GPSM2: variants seen among roughly 807,000 people sequenced by gnomAD.
GPSM2 encodes G protein-signaling modulator 2.
Under a neutral mutation model 78.4 loss-of-function variants are expected in GPSM2, and 58 were observed. That is an observed-to-expected ratio of 0.74 (90% CI 0.60 to 0.92). The LOEUF (loss-of-function observed/expected upper bound fraction) is 0.92. Among genes scored for constraint, GPSM2 ranks in the 40% least tolerant of loss-of-function variants. The pLI, the probability that GPSM2 is intolerant of heterozygous loss-of-function variation, is 0.00. For missense variants in GPSM2, 700 were observed against 815.5 expected, an observed-to-expected ratio of 0.86 and a Z score of 1.73; for synonymous variants, 224 against 280.2, an observed-to-expected ratio of 0.80 and a Z score of 2.00.
intron 14 of GPSM2, chr1:108,926,193 T>C (rs950026306): frequency 6.6e-6 from 1 of 152,132 alleles, no homozygotes; most frequent in Non-Finnish European, 1.5e-5. Context: ...GAAGTAAAAC[T>C]AGTGAGTGCA....
At chr1:108,916,547 T>A (rs1650244314) in intron 11 of GPSM2, among the ~76,000 whole-genome samples, 1 of 152,360 alleles carries the variant, frequency 6.6e-6, no homozygotes, top group African/African-American at 2.4e-5. Context: ...AATCCACAAA[T>A]TATTTTTAAA....
Position 108,929,697 on chromosome 1 carries a change from C to A in GPSM2, c.1816-4C>A. 1.9e-6 allele frequency: 3 copies of A among 1,612,876 alleles called. No homozygotes were observed. The South Asian group carries it at 3.3e-5, about 18-fold the overall frequency. ...GTCTTTTAATCTCTCTCATAAACTTCTAGGGATCCAGATTAGATGATCAAA... is the reference window on the plus strand; with the variant it reads ...GTCTTTTAATCTCTCTCATAAACTTATAGGGATCCAGATTAGATGATCAAA... On this transcript the variant is annotated splice_region_variant and splice_polypyrimidine_tract_variant and intron_variant, in intron 14 of 14. Coordinates refer to ENST00000264126, the MANE Select transcript of GPSM2 (RefSeq NM_013296.5).
intron 4 of GPSM2, 60 bp downstream of exon 4, chr1:108,897,687 A>G: frequency 7.3e-7 from 1 of 1,360,558 alleles, no homozygotes; most frequent in Non-Finnish European, 1.0e-6. Context: ...TTTGCATTTT[A>G]ATACTATTTA....
At chr1:108,916,071 G>C (rs1330519685) in intron 11 of GPSM2, among the ~76,000 whole-genome samples, 3 of 124,270 alleles carry the variant, frequency 2.4e-5, no homozygotes, top group African/African-American at 1.1e-4. Flanking sequence ...GCAAAAACCT[G>C]TCTATACAAA....
intron 1 of GPSM2, among the ~76,000 whole-genome samples, chr1:108,878,269 G>A (rs1470097143): frequency 6.6e-6 from 1 of 152,082 alleles, no homozygotes; most frequent in East Asian, 1.9e-4. Flanking sequence ...AGGAGAGGGG[G>A]GCCTCAGGGA....
In GPSM2 at chr1:108,929,695, T is replaced by C. The variant is rs778480184; in HGVS notation, c.1816-6T>C. The C allele has an allele frequency of 1.2e-6, 2 of 1,612,914 alleles. No homozygotes were observed. The highest frequency in any genetic ancestry group is 4.5e-5 in the East Asian group (2 of 44,864). On this transcript the variant is annotated splice_region_variant and splice_polypyrimidine_tract_variant and intron_variant, in intron 14 of 14. Transcript: ENST00000264126. ...ATGTCTTTTAATCTCTCTCATAAAC[T>C]TCTAGGGATCCAGATTAGATGATCA...
intron 11 of GPSM2, among the ~76,000 whole-genome samples, chr1:108,917,634 A>AGT (rs1650359189): frequency 5.1e-5 from 1 of 19,644 alleles, no homozygotes; most frequent in African/African-American, 4.0e-4. Context: ...ATATATATAT[A>AGT]TATATATATA....
At chr1:108,887,775 G>A (rs1045577411) in intron 2 of GPSM2, among the ~76,000 whole-genome samples, 1 of 152,206 alleles carries the variant, frequency 6.6e-6, no homozygotes, top group African/African-American at 2.4e-5. Context: ...CCCCATCCGT[G>A]TGTGGAGCTC....
At chr1:108,909,969 AAAAC>A (rs543482474) in intron 10 of GPSM2, 191 of 151,340 alleles carry the variant, frequency 1.3e-3, no homozygotes, top group African/African-American at 4.0e-3. Flanking sequence ...CTTAAAAAGT[AAAAC>A]AAACAAACAA....
intron 2 of GPSM2, among the ~76,000 whole-genome samples, chr1:108,893,783 A>G (rs920501037): frequency 4.6e-5 from 7 of 152,212 alleles, no homozygotes; most frequent in African/African-American, 1.7e-4. Flanking sequence ...GACTGGGCAC[A>G]GTGGCTCACG....
intron 7 of GPSM2, 150 bp downstream of exon 7, chr1:108,899,144 T>G: frequency 3.1e-6 from 2 of 644,298 alleles, no homozygotes; most frequent in South Asian, 1.8e-5. Context: ...ATACTTCATT[T>G]TGGGGAATGC....
Position 108,924,161 on chromosome 1 carries a change from A to G in GPSM2, c.1762A>G (p.Asn588Asp). 6.2e-7 allele frequency: 1 copy of G among 1,613,994 alleles called. No homozygotes were observed. The highest frequency in any genetic ancestry group is 1.1e-5 in the South Asian group (1 of 91,076). The change falls in exon 14 of 15, where the codon AAT becomes GAT. Residue 588 changes from asparagine to aspartate, a missense_variant. Transcript: ENST00000264126. ...SQSVLSHLMT[N>D]DNKEADEDFF... ...GTCGGTACTTAGCCACCTGATGACTAATGACAACAAAGAGGCTGATGAAGA... is the reference window on the plus strand; with the variant it reads ...GTCGGTACTTAGCCACCTGATGACTGATGACAACAAAGAGGCTGATGAAGA...
intron 12 of GPSM2, among the ~76,000 whole-genome samples, chr1:108,922,006 A>T (rs963610246): frequency 9.5e-5 from 12 of 126,298 alleles, no homozygotes; most frequent in South Asian, 2.8e-4. Context: ...ATCTAAGTAT[A>T]AAAAAAAGAC....
intron 7 of GPSM2, among the ~76,000 whole-genome samples, chr1:108,901,192 G>A (rs1206720116): frequency 6.6e-6 from 1 of 152,188 alleles, no homozygotes; most frequent in Non-Finnish European, 1.5e-5. Context: ...TTTAAACCCA[G>A]TCTAGCTCCA....
At chr1:108,901,747 A>G (rs1648841168) in intron 7 of GPSM2, 43 bp from the exon 8 acceptor site, 2 of 1,493,392 alleles carry the variant, frequency 1.3e-6, no homozygotes, top group Admixed American at 1.7e-5. Flanking sequence ...TTAAAGCCCA[A>G]ACTGAGAATG....
intron 1 of GPSM2, among the ~76,000 whole-genome samples, chr1:108,884,077 G>A (rs562483998): frequency 6.6e-6 from 1 of 152,084 alleles, no homozygotes; most frequent in South Asian, 2.1e-4. Context: ...TGAGTAGCTG[G>A]GATTACAGGC....
intron 10 of GPSM2, among the ~76,000 whole-genome samples, chr1:108,905,191 G>A (rs1570916415): frequency 6.6e-6 from 1 of 152,196 alleles, no homozygotes; most frequent in Non-Finnish European, 1.5e-5. Flanking sequence ...GGGCTAAGAC[G>A]TTTTTCTGTG....
intron 10 of GPSM2, 73 bp from the exon 11 acceptor site, chr1:108,914,265 A>T: frequency 1.0e-6 from 1 of 974,428 alleles, no homozygotes; most frequent in South Asian, 1.3e-5. Flanking sequence ...TTAGAACTGA[A>T]TAATGTAATG....
intron 11 of GPSM2, among the ~76,000 whole-genome samples, chr1:108,917,872 T>C (rs1469632227): frequency 2.6e-5 from 4 of 151,358 alleles, no homozygotes; most frequent in African/African-American, 9.7e-5. Flanking sequence ...TTTGTATTGA[T>C]TGGAGTAGGG....
Sources: gnomAD v4.1 joint callset for allele counts (sites outside exome capture counted in the v4.1 genomes callset) on GRCh38, gnomAD v4.1.1 for gene constraint, MANE v1.5 for transcripts, NCBI Gene and HGNC (gene_info 2026-07-23, HGNC 2026-07-21) for gene names.